The following BBS9 variants were observed in gnomAD, a reference collection of about 807,000 sequenced individuals.
BBS9 encodes the protein Bardet-Biedl syndrome 9.
In BBS9, 89 loss-of-function variants were observed where a neutral mutation model predicts 117.7. That is an observed-to-expected ratio of 0.76 (90% CI 0.64 to 0.90). BBS9 has a LOEUF of 0.90. Ranked by LOEUF, BBS9 falls within the 40% of genes least tolerant of loss-of-function variation. The probability of loss-of-function intolerance (pLI) is 0.00; values close to 1 mark genes in which losing one functional copy is unlikely to be tolerated. For synonymous variants in BBS9, 379 were observed against 370.9 expected, an observed-to-expected ratio of 1.02 and a Z score of -0.25; for missense variants, 982 against 1,042.2, an observed-to-expected ratio of 0.94 and a Z score of 0.80.
At chr7:33,595,384 A>G (rs946985359) in intron 21 of BBS9, among the ~76,000 whole-genome samples, 12 of 152,234 alleles carry the variant, frequency 7.9e-5, no homozygotes, top group Admixed American at 2.0e-4. Context: ...AAGGATACAG[A>G]CAGACACTTC....
intron 19 of BBS9, among the ~76,000 whole-genome samples, chr7:33,401,559 G>A (rs186735784): frequency 1.3e-5 from 2 of 151,992 alleles, no homozygotes; most frequent in African/African-American, 4.8e-5. Flanking sequence ...TTGAAGGGGT[G>A]GGGGGCAGGG....
intron 19 of BBS9, among the ~76,000 whole-genome samples, chr7:33,447,017 A>T (rs1837096207): frequency 6.6e-6 from 1 of 152,234 alleles, no homozygotes; most frequent in African/African-American, 2.4e-5. Flanking sequence ...ATGAATTTAT[A>T]TGATAATCAA....
chr7:33,443,555 T>C (rs1476218865), intron 19 of BBS9, among the ~76,000 whole-genome samples: 1 of 152,222 alleles, frequency 6.6e-6, no homozygotes, highest in Non-Finnish European at 1.5e-5. Flanking sequence ...GTTTGATCAG[T>C]GTGAAATAAT....
chr7:33,525,672 A>G (rs1358916382), intron 20 of BBS9, among the ~76,000 whole-genome samples: 25 of 126,114 alleles, frequency 2.0e-4, no homozygotes, highest in Non-Finnish European at 2.5e-4. Context: ...TCCTGAATAC[A>G]GCACACTGAT....
chr7:33,328,555 C>G lies in BBS9; in HGVS notation c.1017-7886C>G, dbSNP rs7778699. Among the ~76,000 whole-genome samples the G allele has an allele frequency of 4.8e-3, 729 of 152,172 alleles. 9 individuals carry two copies. Among genetic ancestry groups the G allele is most frequent in the African/African-American group, 0.017 (689 of 41,496 alleles). On this transcript the variant is annotated intron_variant, in intron 9 of 22. Coordinates refer to ENST00000242067, the MANE Select transcript of BBS9 (RefSeq NM_198428.3). ...GGGAAATGCCTTTCAATCATATGCTCCTTACTGAGGTAGAATAAAATTTGG... is the reference window on the plus strand; with the variant it reads ...GGGAAATGCCTTTCAATCATATGCTGCTTACTGAGGTAGAATAAAATTTGG...
chr7:33,615,382 T>C (rs776973137), intron 21 of BBS9, among the ~76,000 whole-genome samples: 2 of 152,052 alleles, frequency 1.3e-5, no homozygotes, highest in South Asian at 4.1e-4. Context: ...AAATGGGCAA[T>C]GTAAACAGAG....
chr7:33,543,340 G>A (rs986270008), intron 21 of BBS9, among the ~76,000 whole-genome samples: 46 of 150,670 alleles, frequency 3.1e-4, no homozygotes, highest in African/African-American at 1.1e-3. Context: ...TGAGTTTGTC[G>A]TAGATTCTGG....
intron 17 of BBS9, among the ~76,000 whole-genome samples, chr7:33,368,399 G>T (rs1822201566): frequency 6.6e-6 from 1 of 152,074 alleles, no homozygotes; most frequent in African/African-American, 2.4e-5. Flanking sequence ...ATGCTTTATT[G>T]ATTTGGTTGC....
chr7:33,208,546 G>T (rs1004997808), intron 5 of BBS9, among the ~76,000 whole-genome samples: 1 of 152,160 alleles, frequency 6.6e-6, no homozygotes, highest in Non-Finnish European at 1.5e-5. Context: ...GCTTTCTTCT[G>T]TTCTTTTTCA....
chr7:33,542,729 GTGTA>G (rs1452577523), intron 21 of BBS9, among the ~76,000 whole-genome samples: 3 of 146,932 alleles, frequency 2.0e-5, no homozygotes, highest in Non-Finnish European at 3.0e-5. Flanking sequence ...GTGTGTGTGT[GTGTA>G]TATGTGTGTG....
chr7:33,340,864 T>TG (rs1816371385), intron 10 of BBS9, 33 bp from the exon 11 acceptor site: 1 of 1,578,846 alleles, frequency 6.3e-7, no homozygotes, highest in Non-Finnish European at 8.7e-7. Flanking sequence ...TTTTACTTTA[T>TG]GATTAAATAA....
intron 19 of BBS9, among the ~76,000 whole-genome samples, chr7:33,425,578 T>C (rs1474375515): frequency 6.6e-6 from 1 of 152,140 alleles, no homozygotes; most frequent in African/African-American, 2.4e-5. Context: ...AACAGGCACA[T>C]TTTTGAGAGA....
chr7:33,238,647 A>G (rs1282339501), intron 5 of BBS9, among the ~76,000 whole-genome samples: 1 of 152,208 alleles, frequency 6.6e-6, no homozygotes, highest in East Asian at 1.9e-4. Flanking sequence ...CTTCATATGA[A>G]GTTTGCATTA....
At chr7:33,548,733 CT>C (rs1260380669) in intron 21 of BBS9, among the ~76,000 whole-genome samples, 1 of 151,296 alleles carries the variant, frequency 6.6e-6, no homozygotes, top group Non-Finnish European at 1.5e-5. Context: ...TGTGAAGGAC[CT>C]CTTCAAGGAG....
intron 21 of BBS9, among the ~76,000 whole-genome samples, chr7:33,621,869 C>A (rs1585493681): frequency 6.6e-6 from 1 of 152,152 alleles, no homozygotes; most frequent in East Asian, 1.9e-4. Flanking sequence ...TGTGGATAAA[C>A]CTAGAGGACA....
intron 9 of BBS9, among the ~76,000 whole-genome samples, chr7:33,333,679 C>T (rs971630164): frequency 1.5e-4 from 23 of 151,610 alleles, no homozygotes; most frequent in African/African-American, 4.6e-4. Context: ...GCAGTGGTCT[C>T]GGCTCACTGC....
intron 9 of BBS9, among the ~76,000 whole-genome samples, chr7:33,281,982 T>C (rs1387662999): frequency 6.6e-6 from 1 of 151,662 alleles, no homozygotes; most frequent in East Asian, 2.0e-4. Context: ...ATCTGGCAGA[T>C]TAAAAAAAAA....
intron 21 of BBS9, among the ~76,000 whole-genome samples, chr7:33,573,810 A>G (rs1419718998): frequency 6.6e-6 from 1 of 152,144 alleles, no homozygotes; most frequent in Non-Finnish European, 1.5e-5. Flanking sequence ...GCAGATAGCC[A>G]AGGAGTAGAA....
intron 21 of BBS9, among the ~76,000 whole-genome samples, chr7:33,618,024 A>T (rs2129220247): frequency 6.6e-6 from 1 of 152,280 alleles, no homozygotes; most frequent in Middle Eastern, 3.4e-3. Flanking sequence ...AGAAATGTTA[A>T]AGAGAGTTCT....
Sources: allele counts gnomAD v4.1 joint callset (sites outside exome capture counted in the v4.1 genomes callset), GRCh38; gene constraint gnomAD v4.1.1; transcripts MANE v1.5; gene names NCBI Gene and HGNC (gene_info 2026-07-23, HGNC 2026-07-21).